Variants in XKR9 observed in about 807,000 individuals in gnomAD.
XKR9 encodes XK related 9, also known as XK-related protein 9.
Under a neutral mutation model 32.0 loss-of-function variants are expected in XKR9, and 32 were observed. The ratio of observed to expected loss-of-function variants is 1.00; its 90% CI spans 0.76 to 1.34. The LOEUF is 1.34. Among genes scored for constraint, XKR9 ranks in the 40% most tolerant of loss-of-function variants. The probability of loss-of-function intolerance (pLI) is 0.00; values close to 1 mark genes in which losing one functional copy is unlikely to be tolerated. For missense variants in XKR9, 546 were observed against 429.7 expected (o/e 1.27, Z -2.39); for synonymous variants, 168 against 143.4 (o/e 1.17, Z -1.22).
the XKR9 span, among the ~76,000 whole-genome samples, chr8:70,828,343 A>G: frequency 8.1e-4 from 123 of 152,316 alleles, no homozygotes; most frequent in African/African-American, 2.7e-3. Context: ...TTTTAGATGT[A>G]TGATTTAACC....
chr8:70,891,508 T>C, the XKR9 span, among the ~76,000 whole-genome samples: 2 of 152,140 alleles, frequency 1.3e-5, no homozygotes, highest in East Asian at 1.9e-4. Flanking sequence ...ATTTGTTTCA[T>C]GAAATTTTCA....
At chr8:71,050,270 GAT>G in the XKR9 span, among the ~76,000 whole-genome samples, 1 of 123,722 alleles carries the variant, frequency 8.1e-6, no homozygotes, top group East Asian at 2.2e-4. Flanking sequence ...TAGATAGATA[GAT>G]AGATATAGAT....
At chr8:70,970,860 C>A in the XKR9 span, among the ~76,000 whole-genome samples, 2 of 152,060 alleles carry the variant, frequency 1.3e-5, no homozygotes, top group Non-Finnish European at 2.9e-5. Context: ...TTGGTAGGAG[C>A]GTAAATTAGT....
chr8:70,725,700 G>A (rs975362303), intron 4 of XKR9, among the ~76,000 whole-genome samples: 3 of 152,162 alleles, frequency 2.0e-5, no homozygotes, highest in Non-Finnish European at 2.9e-5. Flanking sequence ...AAGGTCAGGA[G>A]TTCAAGACCA....
chr8:70,881,846 C>G, the XKR9 span, among the ~76,000 whole-genome samples: 2 of 152,162 alleles, frequency 1.3e-5, no homozygotes, highest in Admixed American at 1.3e-4. Context: ...TTCACAATAG[C>G]AAAGACTTGG....
At chr8:70,804,315 A>T in the XKR9 span, among the ~76,000 whole-genome samples, 2 of 152,362 alleles carry the variant, frequency 1.3e-5, no homozygotes, top group Admixed American at 6.5e-5. Flanking sequence ...TTCACAGAGA[A>T]GTAAGACTGC....
chr8:70,834,676 G>A, the XKR9 span, among the ~76,000 whole-genome samples: 3 of 152,024 alleles, frequency 2.0e-5, no homozygotes, highest in African/African-American at 2.4e-5. Context: ...AAATCCTTGC[G>A]TATATTCGTT....
the XKR9 span, among the ~76,000 whole-genome samples, chr8:70,838,599 C>T: frequency 6.6e-6 from 1 of 152,110 alleles, no homozygotes; most frequent in South Asian, 2.1e-4. Flanking sequence ...GTAATTGGCT[C>T]AATTTCATAC....
In XKR9 at chr8:70,706,978, T is replaced by C; in HGVS notation, c.318T>C (p.Tyr106=). 6.2e-7 allele frequency: 1 copy of C among 1,613,282 alleles called. No individual in the cohort carries two copies. Among genetic ancestry groups the C allele is most frequent in the South Asian group, 1.1e-5 (1 of 91,006 alleles). ...GGGGTTACCATGCAGCTTTTAAATA[T>C]GACAGCAATACTAGTAACTTCGTGG... The part of the protein sequence containing the change: ...LKRGYHAAFK[Y]DSNTSNFVEE... Residue 106 remains tyrosine (Y), a synonymous_variant, in exon 4 of 5, where the codon TAT becomes TAC. Coordinates refer to ENST00000408926, the MANE Select transcript of XKR9 (RefSeq NM_001011720.2).
At chr8:70,885,852 T>A in the XKR9 span, among the ~76,000 whole-genome samples, 1 of 152,154 alleles carries the variant, frequency 6.6e-6, no homozygotes, top group Non-Finnish European at 1.5e-5. Context: ...CACCTTGGCC[T>A]CCCAAAGTGC....
chr8:70,769,358 C>T (rs1332466719), intron 2 of XKR9, among the ~76,000 whole-genome samples: 2 of 151,708 alleles, frequency 1.3e-5, no homozygotes, highest in African/African-American at 2.4e-5. Flanking sequence ...TTCTCTCTGG[C>T]TGCCCTTAAC....
At chr8:70,755,982 C>G (rs1337093009) in intron 2 of XKR9, among the ~76,000 whole-genome samples, 1 of 152,124 alleles carries the variant, frequency 6.6e-6, no homozygotes, top group Admixed American at 6.5e-5. Flanking sequence ...ATGTTTTCTT[C>G]TAAGACTTTT....
intron 4 of XKR9, among the ~76,000 whole-genome samples, chr8:70,720,356 A>T (rs1323936813): frequency 1.3e-5 from 2 of 152,254 alleles, no homozygotes; most frequent in South Asian, 2.1e-4. Flanking sequence ...GTGGTGAGAG[A>T]GGGCATCCTT....
the XKR9 span, among the ~76,000 whole-genome samples, chr8:70,893,098 T>A: frequency 6.6e-6 from 1 of 152,180 alleles, no homozygotes; most frequent in Non-Finnish European, 1.5e-5. Context: ...CCTTTTTCTC[T>A]TGATCAAATC....
chr8:71,045,316 GAGAA>G, the XKR9 span, among the ~76,000 whole-genome samples: 1 of 152,194 alleles, frequency 6.6e-6, no homozygotes, highest in Non-Finnish European at 1.5e-5. Flanking sequence ...GAAGCCTCCT[GAGAA>G]AGAGTGAGTC....
the XKR9 span, among the ~76,000 whole-genome samples, chr8:71,040,005 T>C: frequency 6.6e-6 from 1 of 152,176 alleles, no homozygotes; most frequent in African/African-American, 2.4e-5. Flanking sequence ...ATTTTCTCTT[T>C]AGGTGGCCAG....
chr8:70,773,430 C>T (rs988891624), intron 2 of XKR9, among the ~76,000 whole-genome samples: 1 of 152,162 alleles, frequency 6.6e-6, no homozygotes, highest in Non-Finnish European at 1.5e-5. Context: ...TTTTTTACTT[C>T]CCTTCAGGCT....
At chr8:70,893,344 C>G in the XKR9 span, among the ~76,000 whole-genome samples, 1 of 151,932 alleles carries the variant, frequency 6.6e-6, no homozygotes, top group Admixed American at 6.6e-5. Context: ...CATTGATTTC[C>G]TTTTCATTGG....
intron 2 of XKR9, among the ~76,000 whole-genome samples, chr8:70,748,234 C>T (rs1462584302): frequency 6.6e-6 from 1 of 152,196 alleles, no homozygotes; most frequent in Non-Finnish European, 1.5e-5. Flanking sequence ...GGGAGCCCTG[C>T]CCCCTACTGA....
Sources: allele counts gnomAD v4.1 joint callset (sites outside exome capture counted in the v4.1 genomes callset), GRCh38; gene constraint gnomAD v4.1.1; transcripts MANE v1.5; gene names NCBI Gene and HGNC (gene_info 2026-07-23, HGNC 2026-07-21).